Variants in NALCN observed in about 807,000 individuals in gnomAD.
NALCN encodes the protein sodium leak channel, non-selective, also known as sodium leak channel NALCN.
In NALCN, 111 loss-of-function variants were observed where a neutral mutation model predicts 225.3. That is an observed-to-expected ratio of 0.49 (90% confidence interval 0.42 to 0.58). The LOEUF (loss-of-function observed/expected upper bound fraction) is 0.58. Ranked by LOEUF, NALCN falls within the 20% of genes least tolerant of loss-of-function variation. The probability of loss-of-function intolerance (pLI) is 0.00; values close to 1 mark genes in which losing one functional copy is unlikely to be tolerated. For missense variants in NALCN, 1,378 were observed against 2,202.4 expected (o/e 0.63, Z 7.49); for synonymous variants, 764 against 769.0 (o/e 0.99, Z 0.11).
chr13:101,152,272 T>A (rs958012555), intron 15 of NALCN, among the ~76,000 whole-genome samples: 1 of 152,204 alleles, frequency 6.6e-6, no homozygotes, highest in Non-Finnish European at 1.5e-5. Context: ...GGCTGGTTAC[T>A]CATTCGTCCA....
At position 101,060,275 on chromosome 13, in the gene NALCN, GTTTTTT is replaced by G. The variant is rs771531599; in HGVS notation, c.4756-314_4756-309del. 8.8e-5 allele frequency among the ~76,000 whole-genome samples: 7 copies of G among 79,854 alleles called. 1 individual carries two copies. The highest frequency in any genetic ancestry group is 3.6e-4 in the African/African-American group (7 of 19,532). The allele number at this position is 79,854 out of a possible 152,430, so 52.4% of individuals were successfully genotyped here. A position where few individuals can be genotyped will look rare whatever the true frequency, so the allele number is the denominator to read the frequency against. On this transcript the variant is annotated intron_variant, in intron 41 of 43. Transcript: ENST00000251127. ...TTTCTTTTTGTTGTTGGTGTTTTCTGTTTTTTTTTTTTTTTTTTTAGATAGGATCTC... is the reference window on the plus strand; with the variant it reads ...TTTCTTTTTGTTGTTGGTGTTTTCTGTTTTTTTTTTTTTAGATAGGATCTC...
intron 28 of NALCN, among the ~76,000 whole-genome samples, chr13:101,090,852 C>A (rs1015878615): frequency 2.0e-5 from 3 of 152,092 alleles, no homozygotes; most frequent in Non-Finnish European, 4.4e-5. Context: ...ATTTTTCCAA[C>A]CTATGACCTC....
At chr13:101,251,590 G>T (rs996917821) in intron 11 of NALCN, among the ~76,000 whole-genome samples, 23 of 151,754 alleles carry the variant, frequency 1.5e-4, no homozygotes, top group Non-Finnish European at 4.4e-5. Context: ...TAATTAAGAA[G>T]GAAATAAAAG....
In NALCN at chr13:101,054,891, G is replaced by A. The variant is rs1157098478; in HGVS notation, c.*404C>T. The A allele has an allele frequency of 1.3e-5, 2 of 159,940 alleles. No homozygotes were observed. Among genetic ancestry groups the A allele is most frequent in the Non-Finnish European group, 2.7e-5 (2 of 73,532 alleles). 9.9% of individuals were successfully genotyped at this position (159,940 alleles called of 1,614,324 possible). A position where few individuals can be genotyped will look rare whatever the true frequency, so the allele number is the denominator to read the frequency against. On this transcript the variant is annotated 3_prime_UTR_variant, in exon 44 of 44. Transcript: ENST00000251127. The stretch of plus-strand genomic sequence containing the variant: ...TATTTCTAGTGGAAATGGGAAAGAT[G>A]TGAACTAAAGCTATAACCCCTGTAC...
intron 40 of NALCN, 27 bp downstream of exon 40, chr13:101,065,377 T>A: frequency 6.2e-7 from 1 of 1,613,112 alleles, no homozygotes; most frequent in Non-Finnish European, 8.5e-7. Flanking sequence ...TGGCCCCCAT[T>A]CAGCCCTGCG....
At chr13:101,086,561 C>T (rs642991) in intron 30 of NALCN, among the ~76,000 whole-genome samples, 87,546 of 151,750 alleles carry the variant, frequency 0.58, 26,384 homozygotes, top group African/African-American at 0.75. Flanking sequence ...TTCTGGGAGA[C>T]ACATTTTGTG....
intron 13 of NALCN, among the ~76,000 whole-genome samples, chr13:101,198,015 G>A (rs1049252120): frequency 3.9e-5 from 6 of 152,172 alleles, no homozygotes; most frequent in Non-Finnish European, 7.3e-5. Flanking sequence ...AATGAGCTGA[G>A]TTCAGTTGTT....
intron 7 of NALCN, among the ~76,000 whole-genome samples, chr13:101,339,987 G>A (rs1391544764): frequency 1.4e-5 from 2 of 145,970 alleles, no homozygotes; most frequent in South Asian, 2.2e-4. Flanking sequence ...ACCGTGCCCC[G>A]GCGGGTACAG....
intron 6 of NALCN, among the ~76,000 whole-genome samples, chr13:101,366,457 C>T (rs547110952): frequency 8.5e-5 from 13 of 152,200 alleles, no homozygotes; most frequent in Admixed American, 2.0e-4. Flanking sequence ...GGCTATAATA[C>T]ATGCAAATCA....
chr13:101,064,559 T>TACACACACACACAC (rs57799563), intron 40 of NALCN, among the ~76,000 whole-genome samples: 4 of 148,302 alleles, frequency 2.7e-5, no homozygotes, highest in Non-Finnish European at 4.5e-5. Flanking sequence ...TGAACATAGA[T>TACACACACACACAC]ACACACACAC....
At position 101,054,869 on chromosome 13, in the gene NALCN, T is replaced by C. The variant is rs192341733; in HGVS notation, c.*426A>G. 3.8e-3 allele frequency: 588 copies of C among 156,258 alleles called. 3 individuals are homozygous for C. The highest frequency in any genetic ancestry group is 0.012 in the African/African-American group (503 of 41,784). 9.7% of individuals were successfully genotyped at this position (156,258 alleles called of 1,614,324 possible). A position where few individuals can be genotyped will look rare whatever the true frequency, so the allele number is the denominator to read the frequency against. On this transcript the variant is annotated 3_prime_UTR_variant, in exon 44 of 44. Transcript: ENST00000251127. ...TAATAAATTCTCTCAAGAGAAATATTTCTAGTGGAAATGGGAAAGATGTGA... is the reference window on the plus strand; with the variant it reads ...TAATAAATTCTCTCAAGAGAAATATCTCTAGTGGAAATGGGAAAGATGTGA...
At chr13:101,344,574 T>C (rs1473376207) in intron 7 of NALCN, among the ~76,000 whole-genome samples, 4 of 151,946 alleles carry the variant, frequency 2.6e-5, no homozygotes, top group Middle Eastern at 3.4e-3. Context: ...TTTGGAATTA[T>C]ACATTTTTTG....
At chr13:101,396,367 T>C (rs750667315) in intron 2 of NALCN, among the ~76,000 whole-genome samples, 1 of 152,142 alleles carries the variant, frequency 6.6e-6, no homozygotes, top group Non-Finnish European at 1.5e-5. Context: ...AATACGTTTT[T>C]ATTGACTATC....
At chr13:101,163,749 T>G (rs2038302259) in intron 15 of NALCN, among the ~76,000 whole-genome samples, 1 of 152,028 alleles carries the variant, frequency 6.6e-6, no homozygotes, top group Admixed American at 6.6e-5. Flanking sequence ...TGGAGGTGTG[T>G]TAGTTGTCTA....
chr13:101,163,550 T>C (rs1234177119), intron 15 of NALCN, among the ~76,000 whole-genome samples: 2 of 152,174 alleles, frequency 1.3e-5, no homozygotes, highest in African/African-American at 2.4e-5. Flanking sequence ...TGATGGGGTT[T>C]GATTCCTATA....
At chr13:101,305,746 T>C (rs564817136) in intron 7 of NALCN, among the ~76,000 whole-genome samples, 2 of 152,224 alleles carry the variant, frequency 1.3e-5, no homozygotes, top group Non-Finnish European at 2.9e-5. Context: ...TAAAAGTTTG[T>C]CCAAATTTTA....
chr13:101,373,928 G>A (rs1004802129), intron 6 of NALCN, among the ~76,000 whole-genome samples: 2 of 152,052 alleles, frequency 1.3e-5, no homozygotes, highest in Non-Finnish European at 2.9e-5. Context: ...TAATAAATAT[G>A]TAAAGATTTT....
chr13:101,130,307 G>A (rs1164905911), intron 17 of NALCN, among the ~76,000 whole-genome samples: 1 of 151,986 alleles, frequency 6.6e-6, no homozygotes, highest in East Asian at 1.9e-4. Context: ...ATATCTTAAG[G>A]GTTTGCATAT....
At chr13:101,276,892 C>A (rs2138968096) in intron 10 of NALCN, among the ~76,000 whole-genome samples, 1 of 152,180 alleles carries the variant, frequency 6.6e-6, no homozygotes, top group South Asian at 2.1e-4. Flanking sequence ...AAATTAGTTG[C>A]TAATGTGTGA....
Sources: gnomAD v4.1 joint callset for allele counts (sites outside exome capture counted in the v4.1 genomes callset) on GRCh38, gnomAD v4.1.1 for gene constraint, MANE v1.5 for transcripts, NCBI Gene and HGNC (gene_info 2026-07-23, HGNC 2026-07-21) for gene names.